Variants in CYP46A1 observed in about 807,000 individuals in gnomAD.
CYP46A1 encodes the protein cholesterol 24-hydroxylase.
A neutral mutation model predicts 63.3 loss-of-function variants in CYP46A1; 20 were observed. That is an observed-to-expected ratio of 0.32 (90% confidence interval 0.22 to 0.46). The LOEUF is 0.46. Ranked by LOEUF, CYP46A1 falls within the 20% of genes least tolerant of loss-of-function variation. CYP46A1 has a pLI of 1.00. For missense variants in CYP46A1, 445 were observed against 670.8 expected (o/e 0.66, Z 3.72); for synonymous variants, 268 against 273.6 (o/e 0.98, Z 0.20).
At chr14:99,701,522 T>G (rs2056630225) in intron 5 of CYP46A1, among the ~76,000 whole-genome samples, 1 of 152,226 alleles carries the variant, frequency 6.6e-6, no homozygotes, top group Non-Finnish European at 1.5e-5. Context: ...GGCTATACTG[T>G]CTAGGTTTGT....
intron 7 of CYP46A1, chr14:99,711,048 C>G (rs540493566): frequency 1.0e-3 from 158 of 152,138 alleles, no homozygotes; most frequent in African/African-American, 3.7e-3. Flanking sequence ...ACAATATACT[C>G]CTGAATGACC....
chr14:99,707,296 G>C (rs543103922), intron 6 of CYP46A1, among the ~76,000 whole-genome samples: 2 of 152,342 alleles, frequency 1.3e-5, no homozygotes, highest in South Asian at 4.1e-4. Context: ...AGCTAGTATA[G>C]AATGAACACT....
intron 3 of CYP46A1, chr14:99,693,065 A>G (rs2056557433): frequency 6.6e-6 from 1 of 152,328 alleles, no homozygotes; most frequent in African/African-American, 2.4e-5. Flanking sequence ...GGTGGTTGTA[A>G]GAATAGAACT....
chr14:99,697,454 T>C (rs552319937), intron 3 of CYP46A1, among the ~76,000 whole-genome samples: 1 of 152,336 alleles, frequency 6.6e-6, no homozygotes, highest in South Asian at 2.1e-4. Context: ...TCTGCTGGAC[T>C]GCATTTAGGT....
chr14:99,727,074 C>T lies in CYP46A1; in HGVS notation c.*347C>T. 1 of 269,238 alleles carries T rather than the reference C, an allele frequency of 3.7e-6. No homozygotes were observed. The highest frequency in any genetic ancestry group is 7.0e-6 in the Non-Finnish European group (1 of 142,350). The allele number at this position is 269,238 out of a possible 1,614,324, so 16.7% of individuals were successfully genotyped here. On this transcript the variant is annotated 3_prime_UTR_variant, in exon 15 of 15. Transcript: ENST00000261835. ...ACCTCCTCCAAGAAGCCCTCCTTGCCACCCCCCGCCGGCAGGGGCCCCTCC... is the reference window on the plus strand; with the variant it reads ...ACCTCCTCCAAGAAGCCCTCCTTGCTACCCCCCGCCGGCAGGGGCCCCTCC...
chr14:99,720,877 G>C (rs1485275697), intron 10 of CYP46A1, among the ~76,000 whole-genome samples: 1 of 150,852 alleles, frequency 6.6e-6, no homozygotes, highest in African/African-American at 2.4e-5. Flanking sequence ...TGGGGGTCAG[G>C]AGTTCAAGAC....
chr14:99,685,185 T>G (rs993632726), intron 1 of CYP46A1, among the ~76,000 whole-genome samples: 3 of 149,538 alleles, frequency 2.0e-5, no homozygotes, highest in African/African-American at 7.4e-5. Flanking sequence ...TAAATGCAGT[T>G]CTAAATTAAG....
chr14:99,688,982 A>T (rs546035425), intron 1 of CYP46A1, among the ~76,000 whole-genome samples: 1 of 152,088 alleles, frequency 6.6e-6, no homozygotes, highest in Non-Finnish European at 1.5e-5. Flanking sequence ...CGCTCAGTCC[A>T]CTTGGCTGGC....
At position 99,718,042 on chromosome 14, in the gene CYP46A1, C is replaced by T. The variant is rs1163506877; in HGVS notation, c.908-12C>T. On this transcript the variant is annotated splice_polypyrimidine_tract_variant and intron_variant, in intron 9 of 14. Transcript: ENST00000261835. ...CCCCATGTGGAGCAACCACCGTCCT[C>T]CCTTCCCACAGGTCACGAGACCTCT... 1.9e-6 allele frequency: 3 copies of T among 1,612,094 alleles called. No homozygotes were observed. The highest frequency in any genetic ancestry group is 2.5e-6 in the Non-Finnish European group (3 of 1,178,356).
Position 99,726,272 on chromosome 14 carries a change from C to T in CYP46A1, c.1332+16C>T. On this transcript the variant is annotated intron_variant, in intron 14 of 14. Transcript: ENST00000261835. ...GTTTGCTCAGGTAGGAGGGGCAGGG[C>T]TGTGGTTCTGCCCAGGAGTAGCTGC... 2 of 1,612,144 alleles carry T rather than the reference C, an allele frequency of 1.2e-6. No homozygotes were observed. Among genetic ancestry groups the T allele is most frequent in the African/African-American group, 1.3e-5 (1 of 75,010 alleles).
Position 99,707,560 on chromosome 14 carries a change from TC to T in CYP46A1, c.583-3del. On this transcript the variant is annotated splice_polypyrimidine_tract_variant and splice_region_variant and intron_variant, in intron 6 of 14. Transcript: ENST00000261835. ...CCAGGGATGACCTTGCCCTTCTCTC[TC>T]CCCCAGGCAGCTTTTGGGATGGAGA... 4.3e-6 allele frequency: 7 copies of T among 1,613,214 alleles called. No homozygotes were observed. Among genetic ancestry groups the T allele is most frequent in the Non-Finnish European group, 5.9e-6 (7 of 1,179,360 alleles).
At chr14:99,698,697 G>A (rs1279733977) in intron 3 of CYP46A1, among the ~76,000 whole-genome samples, 1 of 152,162 alleles carries the variant, frequency 6.6e-6, no homozygotes, top group African/African-American at 2.4e-5. Context: ...CTCATCCAAG[G>A]TCCCAGAGTT....
rs1491237225 is a variant in CYP46A1, at chr14:99,722,678, T to TGTGTGTGTGTGCGC, written c.1176+613_1176+614insTGTGTGTGTGCGCG. Among the ~76,000 whole-genome samples, 1 of 150,026 alleles carries TGTGTGTGTGTGCGC rather than the reference T, an allele frequency of 6.7e-6. No individual in the cohort carries two copies. The highest frequency in any genetic ancestry group is 1.5e-5 in the Non-Finnish European group (1 of 67,740). ...GTGTGTGTGTGTGTGTGTGTGTGTG[T>TGTGTGTGTGTGCGC]GCCTGTGTGCATTCACGCAGTAATA... On this transcript the variant is annotated intron_variant, in intron 12 of 14. Coordinates refer to ENST00000261835, the MANE Select transcript of CYP46A1 (RefSeq NM_006668.2). The surrounding 1 kb of genome is among the most constrained non-coding windows in gnomAD (Gnocchi z 4.6).
At chr14:99,691,660 T>G in intron 2 of CYP46A1, 120 bp from the exon 3 acceptor site, 1 of 901,026 alleles carries the variant, frequency 1.1e-6, no homozygotes, top group East Asian at 2.4e-5. Context: ...CAGCACTCTT[T>G]TGGTAGCATG....
chr14:99,718,396 G>A (rs886832013), intron 10 of CYP46A1, among the ~76,000 whole-genome samples: 4 of 152,228 alleles, frequency 2.6e-5, no homozygotes, highest in African/African-American at 9.6e-5. Flanking sequence ...CCCGACTCAT[G>A]AGTGTGTTTC....
rs768382880 is a variant in CYP46A1, at chr14:99,716,220, C to T, written c.907+21C>T. The T allele has an allele frequency of 3.7e-6, 6 of 1,613,542 alleles. No homozygotes were observed. In the Admixed American group the frequency reaches 1.0e-4, roughly 27 times the overall value. On this transcript the variant is annotated intron_variant, in intron 9 of 14. Transcript: ENST00000261835. ...TGCTGGTTTGTAGCTTTGGCGGTGG[C>T]CAAGGGCCCGGAGCTCTGCAGAAAT... is the stretch of plus-strand genomic sequence containing the variant.
At chr14:99,691,888 G>T (rs1337726367) in intron 3 of CYP46A1, 27 bp downstream of exon 3, 1 of 1,609,960 alleles carries the variant, frequency 6.2e-7, no homozygotes, top group Admixed American at 1.7e-5. Context: ...TTTCCATGAG[G>T]GAGTTCCCTG....
At position 99,721,859 on chromosome 14, in the gene CYP46A1, T is replaced by C. The variant is rs1043354394; in HGVS notation, c.1066-97T>C. On this transcript the variant is annotated intron_variant, in intron 11 of 14. Coordinates refer to ENST00000261835, the MANE Select transcript of CYP46A1 (RefSeq NM_006668.2). ...AGGGTGAGGGTATGCACTCAGCCTGTGGGTGGGAAAGACAGGGGTCCCAGG... is the reference window on the plus strand; with the variant it reads ...AGGGTGAGGGTATGCACTCAGCCTGCGGGTGGGAAAGACAGGGGTCCCAGG... 1.4e-4 allele frequency: 133 copies of C among 933,898 alleles called. No homozygotes were observed. In the South Asian group the frequency reaches 1.8e-3, roughly 13 times the overall value. The allele number at this position is 933,898 out of a possible 1,614,324, so 57.9% of individuals were successfully genotyped here.
intron 10 of CYP46A1, 32 bp downstream of exon 10, chr14:99,718,158 GGTCT>G: frequency 6.2e-7 from 1 of 1,600,846 alleles, no homozygotes; most frequent in South Asian, 1.1e-5. Flanking sequence ...CTGGCAAAGA[GGTCT>G]GTCTGATTTC....
Sources: gnomAD v4.1 joint callset for allele counts (sites outside exome capture counted in the v4.1 genomes callset) on GRCh38, gnomAD v4.1.1 for gene constraint, Gnocchi (gnomAD v3.1) non-coding constraint, MANE v1.5 for transcripts, NCBI Gene and HGNC (gene_info 2026-07-23, HGNC 2026-07-21) for gene names.